RNF220: variants seen among roughly 807,000 people sequenced by gnomAD.
The protein encoded by RNF220 is ring finger protein 220.
RNF220 carries 7 observed loss-of-function variants against 67.1 expected under a neutral mutation model. That is an observed-to-expected ratio of 0.10 (90% CI 0.06 to 0.20). RNF220 has a LOEUF of 0.20. RNF220 is among the 10% of genes least tolerant of loss of function. The pLI, the probability that RNF220 is intolerant of heterozygous loss-of-function variation, is 1.00. For missense variants in RNF220, 565 were observed against 740.3 expected (o/e 0.76, Z 2.75); for synonymous variants, 270 against 283.2 (o/e 0.95, Z 0.47).
At chr1:44,475,272 TTAAAA>T (rs1197034882) in intron 2 of RNF220, among the ~76,000 whole-genome samples, 1 of 152,158 alleles carries the variant, frequency 6.6e-6, no homozygotes, top group African/African-American at 2.4e-5. Context: ...ATTTTTTAAG[TTAAAA>T]TAAAATGTTC....
intron 2 of RNF220, among the ~76,000 whole-genome samples, chr1:44,474,578 A>G (rs1655124483): frequency 6.7e-6 from 1 of 148,764 alleles, no homozygotes; most frequent in African/African-American, 2.5e-5. Context: ...GTGTGGTGGC[A>G]TGCACCTGTA....
chr1:44,551,549 G>A (rs867587904), intron 2 of RNF220, among the ~76,000 whole-genome samples: 6 of 152,246 alleles, frequency 3.9e-5, no homozygotes, highest in South Asian at 2.1e-4. Context: ...CTGTTGATAC[G>A]TATTGATAGA....
chr1:44,620,976 C>T (rs1234646636), intron 3 of RNF220, among the ~76,000 whole-genome samples: 3 of 146,080 alleles, frequency 2.1e-5, no homozygotes, highest in Admixed American at 7.0e-5. Flanking sequence ...AGTACAGTGG[C>T]GCAATCTCGG....
At chr1:44,481,108 C>T (rs1178856644) in intron 2 of RNF220, among the ~76,000 whole-genome samples, 1 of 151,962 alleles carries the variant, frequency 6.6e-6, no homozygotes, top group Non-Finnish European at 1.5e-5. Flanking sequence ...TAGACAACAC[C>T]TTGGAGGTGT....
intron 2 of RNF220, among the ~76,000 whole-genome samples, chr1:44,612,627 T>A (rs1297860671): frequency 6.6e-6 from 1 of 152,152 alleles, no homozygotes; most frequent in Non-Finnish European, 1.5e-5. Context: ...GTTGCTAGAT[T>A]TAGCATATAA....
intron 2 of RNF220, among the ~76,000 whole-genome samples, chr1:44,586,231 T>G (rs1244486517): frequency 6.6e-6 from 1 of 152,198 alleles, no homozygotes; most frequent in East Asian, 1.9e-4. Flanking sequence ...AGAGTCCAAA[T>G]GGACATGTCC....
chr1:44,441,925 A>G (rs1394296305), intron 2 of RNF220, among the ~76,000 whole-genome samples: 1 of 152,334 alleles, frequency 6.6e-6, no homozygotes, highest in East Asian at 1.9e-4. Context: ...TGAGGTTCAC[A>G]TTTTAAGAGG....
At chr1:44,520,478 G>C (rs1190997046) in intron 2 of RNF220, among the ~76,000 whole-genome samples, 1 of 152,044 alleles carries the variant, frequency 6.6e-6, no homozygotes, top group Non-Finnish European at 1.5e-5. Context: ...AAAAAGAAAA[G>C]AAACTACATG....
intron 2 of RNF220, among the ~76,000 whole-genome samples, chr1:44,434,633 CA>C (rs1310511096): frequency 6.6e-6 from 1 of 151,368 alleles, no homozygotes; most frequent in African/African-American, 2.4e-5. Flanking sequence ...AAGAGAATGG[CA>C]TGAACCTGGG....
intron 2 of RNF220, among the ~76,000 whole-genome samples, chr1:44,509,332 C>CG (rs1658733294): frequency 6.6e-6 from 1 of 152,086 alleles, no homozygotes; most frequent in African/African-American, 2.4e-5. Flanking sequence ...GGGCAGATCA[C>CG]GAGGTCAGGA....
intron 2 of RNF220, among the ~76,000 whole-genome samples, chr1:44,512,341 A>T (rs984423916): frequency 6.6e-6 from 1 of 152,146 alleles, no homozygotes; most frequent in Non-Finnish European, 1.5e-5. Flanking sequence ...GAAACAAATG[A>T]ACATATTTGG....
intron 2 of RNF220, among the ~76,000 whole-genome samples, chr1:44,522,989 G>T (rs1660058927): frequency 6.6e-6 from 1 of 152,198 alleles, no homozygotes. Context: ...GAGCAGCTTT[G>T]GGTCTGGAAG....
chr1:44,534,561 G>A (rs945630089), intron 2 of RNF220, among the ~76,000 whole-genome samples: 1 of 152,152 alleles, frequency 6.6e-6, no homozygotes, highest in Non-Finnish European at 1.5e-5. Flanking sequence ...CTTTGACAAA[G>A]CATTGGCATT....
chr1:44,590,488 GC>G (rs1390446189), intron 2 of RNF220, among the ~76,000 whole-genome samples: 4 of 152,188 alleles, frequency 2.6e-5, no homozygotes. Context: ...CTCAACAGTG[GC>G]TTTATATGTA....
intron 2 of RNF220, among the ~76,000 whole-genome samples, chr1:44,428,697 G>A (rs1209124849): frequency 6.6e-6 from 1 of 152,108 alleles, no homozygotes; most frequent in Non-Finnish European, 1.5e-5. Flanking sequence ...TTCTTTCTAA[G>A]TAGCTCGGCC....
In RNF220 at chr1:44,622,226, C is replaced by T. The variant is rs890563073; in HGVS notation, c.759-516C>T. ...CCACCATATTTCAGGGCCCAGCTCC[C>T]GCCTGCCTGCCGCGCCCGATGCCGG... On this transcript the variant is annotated intron_variant, in intron 3 of 14. Transcript: ENST00000361799. This position sits in a 1 kb window ranked among gnomAD's most constrained non-coding sequence, Gnocchi z 4.3. Among the ~76,000 whole-genome samples the T allele has an allele frequency of 1.3e-5, 2 of 152,206 alleles. No homozygotes were observed. The highest frequency in any genetic ancestry group is 2.9e-5 in the Non-Finnish European group (2 of 68,036).
chr1:44,611,129 C>T (rs1470683582), intron 2 of RNF220, among the ~76,000 whole-genome samples: 1 of 152,156 alleles, frequency 6.6e-6, no homozygotes, highest in Non-Finnish European at 1.5e-5. Context: ...ACACAGGGGG[C>T]CCATGGCCAT....
chr1:44,545,680 T>C (rs1230165880), intron 2 of RNF220: 2 of 152,900 alleles, frequency 1.3e-5, no homozygotes, highest in Non-Finnish European at 2.9e-5. Flanking sequence ...AGAGGAGATA[T>C]CTAGGGGGCC....
rs531932966 is a variant in RNF220, at chr1:44,611,041, A to G, written c.626-3124A>G. Among the ~76,000 whole-genome samples the G allele has an allele frequency of 2.6e-5, 4 of 152,342 alleles. No individual in the cohort carries two copies. The South Asian group carries it at 8.3e-4, about 32-fold the overall frequency. ...TTTTGTCATTAAACCTGGGCAGGCC[A>G]TGTCGTTAGTGCAGTAAAACCCACG... On this transcript the variant is annotated intron_variant, in intron 2 of 14. Coordinates refer to ENST00000361799, the MANE Select transcript of RNF220 (RefSeq NM_018150.4).
Sources: gnomAD v4.1 joint callset for allele counts (sites outside exome capture counted in the v4.1 genomes callset) on GRCh38, gnomAD v4.1.1 for gene constraint, Gnocchi (gnomAD v3.1) non-coding constraint, MANE v1.5 for transcripts, NCBI Gene and HGNC (gene_info 2026-07-23, HGNC 2026-07-21) for gene names.